Variants in DNAH14 observed in about 807,000 individuals in gnomAD.
The protein encoded by DNAH14 is dynein axonemal heavy chain 14, also known as axonemal beta dynein heavy chain 14.
In DNAH14, 478 loss-of-function variants were observed where a neutral mutation model predicts 520.9. That is an observed-to-expected ratio of 0.92 (90% CI 0.85 to 0.99). The LOEUF (loss-of-function observed/expected upper bound fraction) is 0.99. DNAH14 is among the 50% of genes least tolerant of loss of function. The pLI is 0.00. For missense variants in DNAH14, 4,831 were observed against 5,234.5 expected (o/e 0.92, Z 2.38); for synonymous variants, 1,581 against 1,757.2 (o/e 0.90, Z 2.51).
At chr1:225,097,363 G>T in intron 22 of DNAH14, 124 bp downstream of exon 22, 1 of 871,574 alleles carries the variant, frequency 1.1e-6, no homozygotes, top group Non-Finnish European at 1.6e-6. Context: ...CAGACATAGG[G>T]GTATAATTTG....
intron 42 of DNAH14, among the ~76,000 whole-genome samples, chr1:225,238,165 G>A (rs972351041): frequency 6.6e-6 from 1 of 152,188 alleles, no homozygotes; most frequent in Non-Finnish European, 1.5e-5. Flanking sequence ...TGCTGGAGAG[G>A]TGTTTCAGTC....
chr1:224,988,897 A>G (rs1201381341), intron 8 of DNAH14, among the ~76,000 whole-genome samples: 3 of 152,272 alleles, frequency 2.0e-5, no homozygotes, highest in South Asian at 2.1e-4. Flanking sequence ...TCAGCCTTCC[A>G]TTAATGGGAT....
At chr1:225,063,896 C>T (rs2070513144) in intron 17 of DNAH14, among the ~76,000 whole-genome samples, 2 of 34,688 alleles carry the variant, frequency 5.8e-5, no homozygotes. Flanking sequence ...GCAAGACCTC[C>T]TCCCCAAAAA....
Position 225,389,869 on chromosome 1 carries a change from A to T in DNAH14, c.13326A>T (p.Pro4442=), listed in dbSNP as rs1396957939. The T allele has an allele frequency of 6.4e-7, 1 of 1,551,608 alleles. No individual in the cohort carries two copies. Among genetic ancestry groups the T allele is most frequent in the Admixed American group, 2.0e-5 (1 of 50,986 alleles). ...SRYWLPAFFF[P]QAFLAAVLQD... Reference sequence around the variant, plus strand: ...ACTGGCTCCCAGCTTTCTTCTTTCCACAAGGTGAGCATTAGAACCAAGGTC... The same window carrying T: ...ACTGGCTCCCAGCTTTCTTCTTTCCTCAAGGTGAGCATTAGAACCAAGGTC... Residue 4442 remains proline, a synonymous_variant, in exon 83 of 86, where the codon CCA becomes CCT. Coordinates refer to ENST00000682510, the MANE Select transcript of DNAH14 (RefSeq NM_001367479.1).
chr1:225,270,881 T>TTTCTACTGAACA lies in DNAH14; in HGVS notation c.7671+15_7671+16insTTCTACTGAACA, dbSNP rs1247897950. Reference sequence around the variant, plus strand: ...CTATTTTCCAGGTAACACATCTAGTTCATTTTCTACTGAAAAAAATTAATT... The same window carrying TTTCTACTGAACA: ...CTATTTTCCAGGTAACACATCTAGTTTTCTACTGAACACATTTTCTACTGAAAAAAATTAATT... On this transcript the variant is annotated intron_variant, in intron 50 of 85. Coordinates refer to ENST00000682510, the MANE Select transcript of DNAH14 (RefSeq NM_001367479.1). 12 of 1,544,884 alleles carry TTTCTACTGAACA rather than the reference T, an allele frequency of 7.8e-6. No homozygotes were observed. The highest frequency in any genetic ancestry group is 3.3e-4 in the Middle Eastern group (2 of 5,996).
At chr1:225,214,620 C>T (rs1171277517) in intron 41 of DNAH14, among the ~76,000 whole-genome samples, 31 of 152,210 alleles carry the variant, frequency 2.0e-4, no homozygotes, top group Non-Finnish European at 5.9e-5. Context: ...TTTACTTCTT[C>T]CTGGTTTAGT....
chr1:225,262,845 T>C (rs1023100438), intron 46 of DNAH14, among the ~76,000 whole-genome samples: 4 of 152,016 alleles, frequency 2.6e-5, no homozygotes, highest in Non-Finnish European at 5.9e-5. Flanking sequence ...TGATTCCGTA[T>C]AAATTTTAGT....
chr1:225,103,953 A>T (rs2075773033), intron 23 of DNAH14, among the ~76,000 whole-genome samples: 1 of 152,094 alleles, frequency 6.6e-6, no homozygotes, highest in Non-Finnish European at 1.5e-5. Context: ...GAGAGAGGGC[A>T]TCCCTGTCTT....
At chr1:225,280,639 C>G (rs1049500997) in intron 54 of DNAH14, among the ~76,000 whole-genome samples, 16 of 151,496 alleles carry the variant, frequency 1.1e-4, no homozygotes, top group Non-Finnish European at 2.4e-4. Flanking sequence ...AATCACAGCT[C>G]AAGAAAGTCT....
At chr1:225,069,212 A>C (rs991029773) in intron 17 of DNAH14, among the ~76,000 whole-genome samples, 1 of 152,092 alleles carries the variant, frequency 6.6e-6, no homozygotes, top group Non-Finnish European at 1.5e-5. Flanking sequence ...TCTCTTGCTC[A>C]GTTGCCCTGG....
intron 75 of DNAH14, among the ~76,000 whole-genome samples, chr1:225,363,174 G>A (rs1426058019): frequency 2.0e-5 from 3 of 151,986 alleles, no homozygotes; most frequent in Non-Finnish European, 4.4e-5. Flanking sequence ...TCATATATAT[G>A]TAATATTTTT....
intron 38 of DNAH14, 136 bp downstream of exon 38, chr1:225,193,047 TA>T: frequency 1.5e-6 from 1 of 674,148 alleles, no homozygotes; most frequent in Non-Finnish European, 2.3e-6. Context: ...GAATAGTTTT[TA>T]AAAAGAGAAA....
intron 59 of DNAH14, among the ~76,000 whole-genome samples, chr1:225,307,812 A>G (rs1384616943): frequency 6.6e-6 from 1 of 152,244 alleles, no homozygotes; most frequent in Admixed American, 6.5e-5. Context: ...TAAGTGTAAT[A>G]GTAGGTATAT....
intron 74 of DNAH14, among the ~76,000 whole-genome samples, 155 bp downstream of exon 74, chr1:225,358,807 G>A (rs2095460800): frequency 6.6e-6 from 1 of 152,240 alleles, no homozygotes; most frequent in Admixed American, 6.5e-5. Context: ...CCCCCATGCT[G>A]TTCTCATGAT....
chr1:224,984,632 C>T (rs185364175), intron 8 of DNAH14, among the ~76,000 whole-genome samples: 54 of 152,232 alleles, frequency 3.5e-4, no homozygotes, highest in African/African-American at 1.3e-3. Flanking sequence ...AAAATCTTTA[C>T]AATCTATACA....
rs1330633877 is a variant in DNAH14, at chr1:225,085,766, T to C, written c.3550T>C (p.Ser1184Pro). The stretch of plus-strand genomic sequence containing the variant: ...AGTCATACTTGCAACAATTAAAGGA[T>C]CTCCCCACATTGGGCCCATTAAGGT... Reference protein sequence around the residue: ...SQVILATIKGSPHIGPIKDLV... With the variant: ...SQVILATIKGPPHIGPIKDLV... Residue 1184 changes from serine (S) to proline (P), a missense_variant, in exon 21 of 86, where the codon TCT becomes CCT. Transcript: ENST00000682510. 6.4e-7 allele frequency: 1 copy of C among 1,550,550 alleles called. No homozygotes were observed. Among genetic ancestry groups the C allele is most frequent in the South Asian group, 1.2e-5 (1 of 83,518 alleles).
chr1:225,259,291 T>C lies in DNAH14; in HGVS notation c.7157+38T>C. On this transcript the variant is annotated intron_variant, in intron 46 of 85. Coordinates refer to ENST00000682510, the MANE Select transcript of DNAH14 (RefSeq NM_001367479.1). The stretch of plus-strand genomic sequence containing the variant: ...AACTTCTAAATTTGATTTGTCTGAT[T>C]TTAAAAAGTGTGCTTTAATATATAA... 3.8e-6 allele frequency: 5 copies of C among 1,328,446 alleles called. No homozygotes were observed. The South Asian group carries it at 9.8e-5, about 26-fold the overall frequency. 82.3% of individuals were successfully genotyped at this position (1,328,446 alleles called of 1,614,324 possible). A position where few individuals can be genotyped will look rare whatever the true frequency, so the allele number is the denominator to read the frequency against.
intron 4 of DNAH14, among the ~76,000 whole-genome samples, chr1:224,962,976 T>C (rs533427870): frequency 6.6e-5 from 10 of 152,244 alleles, no homozygotes; most frequent in African/African-American, 2.4e-4. Flanking sequence ...TATTTTCCAA[T>C]TTTAAATTTT....
intron 11 of DNAH14, among the ~76,000 whole-genome samples, chr1:225,028,099 GT>G (rs1345747642): frequency 6.6e-6 from 1 of 151,954 alleles, no homozygotes; most frequent in Non-Finnish European, 1.5e-5. Context: ...TAGTTTTCTT[GT>G]GATGTGTTTG....
Sources: gnomAD v4.1 joint callset for allele counts (sites outside exome capture counted in the v4.1 genomes callset) on GRCh38, gnomAD v4.1.1 for gene constraint, MANE v1.5 for transcripts, NCBI Gene and HGNC (gene_info 2026-07-23, HGNC 2026-07-21) for gene names.